EBF1: variants seen among roughly 807,000 people sequenced by gnomAD.
EBF1 encodes the protein EBF transcription factor 1, also known as transcription factor COE1.
Under a neutral mutation model 68.4 loss-of-function variants are expected in EBF1, and 10 were observed. That is an observed-to-expected ratio of 0.15 (90% CI 0.09 to 0.25). The LOEUF (loss-of-function observed/expected upper bound fraction) is 0.25. EBF1 is among the 10% of genes least tolerant of loss of function. The pLI is 1.00. For synonymous variants in EBF1, 298 were observed against 299.8 expected (o/e 0.99, Z 0.06); for missense variants, 509 against 794.4 (o/e 0.64, Z 4.32).
chr5:158,749,603 C>T (rs1768339610), intron 10 of EBF1, among the ~76,000 whole-genome samples: 1 of 151,996 alleles, frequency 6.6e-6, no homozygotes, highest in Admixed American at 6.6e-5. Context: ...TCTAGTATAC[C>T]TCCTAGCAAT....
At chr5:158,880,714 G>T (rs1582843134) in intron 6 of EBF1, among the ~76,000 whole-genome samples, 1 of 152,298 alleles carries the variant, frequency 6.6e-6, no homozygotes, top group South Asian at 2.1e-4. Flanking sequence ...ACGGTGTTCG[G>T]TTCAGTTGTG....
rs1030792664 is a variant in EBF1 at position 159,027,409 on chromosome 5, C to T, written c.554+45987G>A. 4.6e-5 allele frequency among the ~76,000 whole-genome samples: 7 copies of T among 152,168 alleles called. No individual in the cohort carries two copies. In the East Asian group the frequency reaches 1.2e-3, roughly 25 times the overall value. Reference sequence around the variant, plus strand: ...CTCAGACCACTGTTCATCCCCAGACCAGGTTAGGCTGCCCTAACATACCCT... The same window carrying T: ...CTCAGACCACTGTTCATCCCCAGACTAGGTTAGGCTGCCCTAACATACCCT... On this transcript the variant is annotated intron_variant, in intron 6 of 15. Coordinates refer to ENST00000313708, the MANE Select transcript of EBF1 (RefSeq NM_024007.5).
chr5:158,940,737 T>A (rs1017488292), intron 6 of EBF1, among the ~76,000 whole-genome samples: 3 of 121,522 alleles, frequency 2.5e-5, no homozygotes, highest in African/African-American at 9.1e-5. Context: ...CAATTAGCCT[T>A]CTGACTGCAC....
intron 6 of EBF1, among the ~76,000 whole-genome samples, chr5:159,030,993 T>A (rs918447637): frequency 3.3e-5 from 5 of 152,028 alleles, no homozygotes; most frequent in African/African-American, 1.2e-4. Flanking sequence ...GCCAATATGG[T>A]GAAACCCCAT....
At chr5:158,713,907 C>T (rs1044050358) in intron 12 of EBF1, among the ~76,000 whole-genome samples, 1 of 152,188 alleles carries the variant, frequency 6.6e-6, no homozygotes, top group African/African-American at 2.4e-5. Context: ...AGTACCTTTT[C>T]TCATACAGAA....
In EBF1 at chr5:158,740,937, C is replaced by T. The variant is rs529093641; in HGVS notation, c.1037-9780G>A. On this transcript the variant is annotated intron_variant, in intron 10 of 15. Transcript: ENST00000313708. ...ATCTCAGCAATCCCTTCAAAGCATC[C>T]CTAAGCCAAAAGCAATGCCCAACAA... is the stretch of plus-strand genomic sequence containing the variant. Among the ~76,000 whole-genome samples, 9 of 152,298 alleles carry T rather than the reference C, an allele frequency of 5.9e-5. No individual in the cohort carries two copies. The South Asian group carries it at 1.7e-3, about 28-fold the overall frequency.
At chr5:158,805,538 CA>C (rs2127775264) in intron 8 of EBF1, among the ~76,000 whole-genome samples, 2 of 152,218 alleles carry the variant, frequency 1.3e-5, no homozygotes, top group African/African-American at 4.8e-5. Flanking sequence ...GATAATTTAG[CA>C]TTTCATTAGT....
chr5:158,833,823 C>T (rs1788134681), intron 7 of EBF1, among the ~76,000 whole-genome samples: 1 of 152,204 alleles, frequency 6.6e-6, no homozygotes, highest in African/African-American at 2.4e-5. Flanking sequence ...CTATTTGTTA[C>T]AAGAGCTAGT....
chr5:159,058,030 A>C (rs1452170519), intron 6 of EBF1, among the ~76,000 whole-genome samples: 1 of 152,224 alleles, frequency 6.6e-6, no homozygotes, highest in East Asian at 1.9e-4. Flanking sequence ...CTTGGTATAC[A>C]TTGAAGGTTC....
chr5:158,894,240 C>T (rs540228679), intron 6 of EBF1, among the ~76,000 whole-genome samples: 11 of 152,056 alleles, frequency 7.2e-5, no homozygotes, highest in African/African-American at 2.4e-4. Flanking sequence ...ATTTCTGATA[C>T]CAAAATTTAA....
At chr5:158,746,054 A>G (rs1183048549) in intron 10 of EBF1, among the ~76,000 whole-genome samples, 6 of 152,202 alleles carry the variant, frequency 3.9e-5, no homozygotes, top group Admixed American at 3.9e-4. Flanking sequence ...AGTTTTTATT[A>G]CTACTGCTTT....
chr5:158,779,394 A>C (rs879637896), intron 9 of EBF1, among the ~76,000 whole-genome samples: 2 of 152,176 alleles, frequency 1.3e-5, no homozygotes, highest in Non-Finnish European at 2.9e-5. Context: ...AAAATTGTTC[A>C]TATAGAAGCT....
At chr5:158,940,777 C>CCCCCCCCCCCCCCCT (rs1554083360) in intron 6 of EBF1, among the ~76,000 whole-genome samples, 2 of 51,556 alleles carry the variant, frequency 3.9e-5, no homozygotes, top group African/African-American at 1.0e-4. Flanking sequence ...CCCCCCCCCC[C>CCCCCCCCCCCCCCCT]CCGCAGGTCA....
chr5:158,851,264 A>G (rs532344129), intron 6 of EBF1, among the ~76,000 whole-genome samples: 3 of 150,278 alleles, frequency 2.0e-5, no homozygotes, highest in East Asian at 2.0e-4. Context: ...AATTTCAGCT[A>G]CTCAGGAGAC....
intron 6 of EBF1, among the ~76,000 whole-genome samples, chr5:158,848,397 C>T (rs1377318216): frequency 6.6e-6 from 1 of 152,220 alleles, no homozygotes; most frequent in Non-Finnish European, 1.5e-5. Flanking sequence ...AATGCCAACA[C>T]TTTCACTAGA....
At chr5:158,709,450 C>T (rs1023667383) in intron 14 of EBF1, among the ~76,000 whole-genome samples, 1 of 152,158 alleles carries the variant, frequency 6.6e-6, no homozygotes, top group Non-Finnish European at 1.5e-5. Flanking sequence ...ATTTGGAGCT[C>T]TTTCTGCTAA....
chr5:158,854,940 G>T (rs1474512917), intron 6 of EBF1, among the ~76,000 whole-genome samples: 2 of 152,090 alleles, frequency 1.3e-5, no homozygotes, highest in African/African-American at 4.8e-5. Flanking sequence ...CTTAATGTTA[G>T]GGCCTACTAT....
intron 11 of EBF1, among the ~76,000 whole-genome samples, chr5:158,716,450 T>C (rs1410554886): frequency 6.6e-6 from 1 of 152,204 alleles, no homozygotes; most frequent in Non-Finnish European, 1.5e-5. Context: ...ACAGCATCAC[T>C]TCAGGCCAGC....
chr5:159,077,468 G>A (rs1332656758), intron 5 of EBF1, among the ~76,000 whole-genome samples: 1 of 151,976 alleles, frequency 6.6e-6, no homozygotes, highest in Non-Finnish European at 1.5e-5. Context: ...CTGCCCTAGA[G>A]CACTCTAGCT....
Sources: allele counts gnomAD v4.1 joint callset (sites outside exome capture counted in the v4.1 genomes callset), GRCh38; gene constraint gnomAD v4.1.1; transcripts MANE v1.5; gene names NCBI Gene and HGNC (gene_info 2026-07-23, HGNC 2026-07-21).